GPR137B: variants seen among roughly 807,000 people sequenced by gnomAD.
GPR137B encodes the protein G protein-coupled receptor 137B.
GPR137B carries 42 observed loss-of-function variants against 42.5 expected under a neutral mutation model. That is an observed-to-expected ratio of 0.99 (90% CI 0.77 to 1.28). The LOEUF is 1.28. GPR137B is among the 50% of genes most tolerant of loss of function. GPR137B has a pLI of 0.00. For missense variants in GPR137B, 487 were observed against 493.9 expected, an observed-to-expected ratio of 0.99 and a Z score of 0.13; for synonymous variants, 218 against 209.7, an observed-to-expected ratio of 1.04 and a Z score of -0.34.
chr1:236,165,292 C>T (rs939839245), intron 1 of GPR137B, among the ~76,000 whole-genome samples: 3 of 152,188 alleles, frequency 2.0e-5, no homozygotes, highest in African/African-American at 4.8e-5. Context: ...ATGTTTGCAC[C>T]ATGGCTTTGA....
chr1:236,151,230 C>A (rs904579245), intron 1 of GPR137B, among the ~76,000 whole-genome samples: 29 of 152,178 alleles, frequency 1.9e-4, no homozygotes, highest in African/African-American at 6.0e-4. Context: ...CAGGCATTCC[C>A]CGAGGGCTGC....
chr1:236,180,328 G>A (rs1662833482), intron 4 of GPR137B: 1 of 265,990 alleles, frequency 3.8e-6, no homozygotes, highest in Admixed American at 5.1e-5. Flanking sequence ...TTTGATCCGT[G>A]GATGGTTGAG....
At chr1:236,169,392 C>G (rs1662467619) in intron 2 of GPR137B, among the ~76,000 whole-genome samples, 3 of 152,246 alleles carry the variant, frequency 2.0e-5, no homozygotes, top group Non-Finnish European at 4.4e-5. Context: ...CAGCTGCTTG[C>G]AGGGTATCCA....
In GPR137B at chr1:236,208,060, G is replaced by T; in HGVS notation, c.1102G>T (p.Asp368Tyr). Residue 368 changes from aspartate (D) to tyrosine (Y), a missense_variant, in exon 7 of 7, where the codon GAT becomes TAT. Coordinates refer to ENST00000366592, the MANE Select transcript of GPR137B (RefSeq NM_003272.4). Reference sequence around the variant, plus strand: ...TTTTTTCTTTTTAAGTTTTGCTCCAGATTACTATGATTGGGGACAACAAAC... The same window carrying T: ...TTTTTTCTTTTTAAGTTTTGCTCCATATTACTATGATTGGGGACAACAAAC... The part of the protein sequence containing the change: ...PQGLQGGFAP[D>Y]YYDWGQQTNS... The T allele has an allele frequency of 6.2e-7, 1 of 1,611,752 alleles. No homozygotes were observed. Among genetic ancestry groups the T allele is most frequent in the Non-Finnish European group, 8.5e-7 (1 of 1,178,132 alleles).
chr1:236,204,311 G>A (rs1288805648), intron 5 of GPR137B, among the ~76,000 whole-genome samples: 1 of 152,138 alleles, frequency 6.6e-6, no homozygotes, highest in Non-Finnish European at 1.5e-5. Context: ...TGGTTTACTA[G>A]TATTTTGTTG....
chr1:236,159,762 G>A (rs1662135573), intron 1 of GPR137B, among the ~76,000 whole-genome samples: 3 of 152,256 alleles, frequency 2.0e-5, no homozygotes, highest in Admixed American at 2.0e-4. Context: ...GTCGAAACAA[G>A]TACGTCACAT....
chr1:236,205,307 T>A, intron 6 of GPR137B, 57 bp downstream of exon 6: 1 of 1,472,570 alleles, frequency 6.8e-7, no homozygotes. Context: ...TTACACCAGT[T>A]AAATAGATTC....
At chr1:236,157,050 A>G (rs1558480588) in intron 1 of GPR137B, among the ~76,000 whole-genome samples, 1 of 152,118 alleles carries the variant, frequency 6.6e-6, no homozygotes, top group South Asian at 2.1e-4. Flanking sequence ...CAGGTGCTCT[A>G]CATGTCTATT....
At position 236,168,750 on chromosome 1, in the gene GPR137B, A is replaced by G; in HGVS notation, c.459A>G (p.Lys153=). 2 of 1,604,442 alleles carry G rather than the reference A, an allele frequency of 1.2e-6. No homozygotes were observed. Among genetic ancestry groups the G allele is most frequent in the South Asian group, 1.1e-5 (1 of 90,878 alleles). The part of the protein sequence containing the change: ...AKSKYSPELL[K]YRLPLYLASL... The stretch of plus-strand genomic sequence containing the variant: ...CAAAATATTCTCCAGAATTACTCAA[A>G]TACCGGTAAGTACTGCAGGGCATCT... Residue 153 remains lysine, a synonymous_variant, in exon 2 of 7, where the codon AAA becomes AAG. Coordinates refer to ENST00000366592, the MANE Select transcript of GPR137B (RefSeq NM_003272.4).
rs1224506743 is a variant in GPR137B at position 236,171,359 on chromosome 1, T to G, written c.464+2604T>G. On this transcript the variant is annotated intron_variant, in intron 2 of 6. Coordinates refer to ENST00000366592, the MANE Select transcript of GPR137B (RefSeq NM_003272.4). The surrounding 1 kb of genome is among the most constrained non-coding windows in gnomAD (Gnocchi z 4.4). ...AGTAGCCTCTCCTCTGCATCTATAG[T>G]CTTTGCCCTGCATCCCCCCAGCCAG... Among the ~76,000 whole-genome samples, 1 of 152,158 alleles carries G rather than the reference T, an allele frequency of 6.6e-6. No individual in the cohort carries two copies. The highest frequency in any genetic ancestry group is 1.5e-5 in the Non-Finnish European group (1 of 68,038).
At chr1:236,168,621 G>A (rs1213866998) in intron 1 of GPR137B, 85 bp from the exon 2 acceptor site, 3 of 993,904 alleles carry the variant, frequency 3.0e-6, no homozygotes, top group Non-Finnish European at 4.9e-6. Context: ...GGGGATGAAG[G>A]GGCAGAGGAA....
intron 1 of GPR137B, among the ~76,000 whole-genome samples, chr1:236,146,565 AC>A (rs1661688695): frequency 1.3e-5 from 2 of 151,842 alleles, no homozygotes; most frequent in East Asian, 1.9e-4. Context: ...GGGTACTGTT[AC>A]CCCCCAACTG....
At chr1:236,185,997 G>A (rs1384354436) in intron 5 of GPR137B, among the ~76,000 whole-genome samples, 1 of 150,976 alleles carries the variant, frequency 6.6e-6, no homozygotes, top group Non-Finnish European at 1.5e-5. Context: ...CCCTAGTCTC[G>A]ACTTTCATAT....
chr1:236,192,629 G>A (rs1365100086), intron 5 of GPR137B, among the ~76,000 whole-genome samples: 7 of 151,992 alleles, frequency 4.6e-5, no homozygotes, highest in East Asian at 1.9e-4. Flanking sequence ...CGATCGAGGC[G>A]ACACCCCACC....
At chr1:236,151,130 A>G (rs1212326141) in intron 1 of GPR137B, among the ~76,000 whole-genome samples, 1 of 152,182 alleles carries the variant, frequency 6.6e-6, no homozygotes, top group East Asian at 1.9e-4. Flanking sequence ...TCCTGGTTGG[A>G]AGGTCTGTCT....
Position 236,179,956 on chromosome 1 carries a change from G to A in GPR137B, c.765G>A (p.Leu255=). 6.2e-7 allele frequency: 1 copy of A among 1,613,032 alleles called. No individual in the cohort carries two copies. Among genetic ancestry groups the A allele is most frequent in the Non-Finnish European group, 8.5e-7 (1 of 1,179,122 alleles). ...ACACCTCTCGGGCCTGCTACAACCTGTTCATCCTGTCATTTTCTCAGAACA... is the reference window on the plus strand; with the variant it reads ...ACACCTCTCGGGCCTGCTACAACCTATTCATCCTGTCATTTTCTCAGAACA... ...LLYTSRACYN[L]FILSFSQNKS... The change falls in exon 4 of 7, where the codon CTG becomes CTA. Residue 255 remains leucine (L), a synonymous_variant. Coordinates refer to ENST00000366592, the MANE Select transcript of GPR137B (RefSeq NM_003272.4).
chr1:236,203,734 CTTTG>C (rs956101779), intron 5 of GPR137B, among the ~76,000 whole-genome samples: 10 of 152,060 alleles, frequency 6.6e-5, no homozygotes, highest in East Asian at 3.9e-4. Flanking sequence ...TCTTTCACTT[CTTTG>C]TTTAATTTCT....
chr1:236,153,790 A>C (rs1239818005), intron 1 of GPR137B, among the ~76,000 whole-genome samples: 8 of 152,248 alleles, frequency 5.3e-5, no homozygotes. Context: ...CATCTCTGTG[A>C]GTCCCCCTCT....
rs1186772394 is a variant in GPR137B, at chr1:236,150,201, G to T, written c.414+7165G>T. On this transcript the variant is annotated intron_variant, in intron 1 of 6. Coordinates refer to ENST00000366592, the MANE Select transcript of GPR137B (RefSeq NM_003272.4). The surrounding 1 kb of genome is among the most constrained non-coding windows in gnomAD (Gnocchi z 6.2). ...TGTGTTTGTGTGTGTCTGTGTGCCT[G>T]TGTGTGTGTCTGTGCCTGTGTGTGC... Among the ~76,000 whole-genome samples the T allele has an allele frequency of 6.7e-6, 1 of 149,656 alleles. No homozygotes were observed. The highest frequency in any genetic ancestry group is 1.5e-5 in the Non-Finnish European group (1 of 67,474).
Sources: gnomAD v4.1 joint callset for allele counts (sites outside exome capture counted in the v4.1 genomes callset) on GRCh38, gnomAD v4.1.1 for gene constraint, Gnocchi (gnomAD v3.1) non-coding constraint, MANE v1.5 for transcripts, NCBI Gene and HGNC (gene_info 2026-07-23, HGNC 2026-07-21) for gene names.